RORA: variants seen among roughly 807,000 people sequenced by gnomAD.
RORA encodes the protein nuclear receptor ROR-alpha.
In RORA, 7 loss-of-function variants were observed where a neutral mutation model predicts 69.5. That is an observed-to-expected ratio of 0.10 (90% CI 0.06 to 0.19). RORA has a LOEUF of 0.19. Ranked by LOEUF, RORA falls within the 10% of genes least tolerant of loss-of-function variation. The pLI, the probability that RORA is intolerant of heterozygous loss-of-function variation, is 1.00. For synonymous variants in RORA, 261 were observed against 240.8 expected, an observed-to-expected ratio of 1.08 and a Z score of -0.78; for missense variants, 457 against 663.0, an observed-to-expected ratio of 0.69 and a Z score of 3.41.
chr15:60,710,858 C>T (rs2071133074), intron 1 of RORA, among the ~76,000 whole-genome samples: 1 of 151,868 alleles, frequency 6.6e-6, no homozygotes, highest in South Asian at 2.1e-4. Flanking sequence ...CCAGGCAAAC[C>T]TCCAATCCTC....
intron 1 of RORA, among the ~76,000 whole-genome samples, chr15:60,977,322 T>C (rs1381349968): frequency 1.3e-5 from 2 of 152,136 alleles, no homozygotes; most frequent in Non-Finnish European, 1.5e-5. Context: ...CACAAACACA[T>C]GTCAGTCGTC....
At chr15:60,852,398 C>T (rs1314306577) in intron 1 of RORA, among the ~76,000 whole-genome samples, 2 of 152,184 alleles carry the variant, frequency 1.3e-5, no homozygotes, top group Non-Finnish European at 2.9e-5. Context: ...GTAATGTTCA[C>T]AGTGCCTATA....
intron 1 of RORA, among the ~76,000 whole-genome samples, chr15:60,705,977 AG>A (rs2071057312): frequency 6.6e-6 from 1 of 152,166 alleles, no homozygotes; most frequent in South Asian, 2.1e-4. Context: ...GGTATTATGA[AG>A]GTTCATTGGC....
intron 1 of RORA, among the ~76,000 whole-genome samples, chr15:61,057,455 G>A (rs960660369): frequency 3.3e-5 from 5 of 152,168 alleles, no homozygotes; most frequent in Admixed American, 2.6e-4. Context: ...GAAGGCAAGC[G>A]CCTTCAGCAT....
At chr15:61,188,486 T>C (rs1292207016) in intron 1 of RORA, among the ~76,000 whole-genome samples, 5 of 152,144 alleles carry the variant, frequency 3.3e-5, no homozygotes, top group African/African-American at 9.7e-5. Context: ...GGGAATATTT[T>C]AAAAATTCTA....
chr15:60,930,082 G>A (rs1466670563), intron 1 of RORA, among the ~76,000 whole-genome samples: 2 of 152,134 alleles, frequency 1.3e-5, no homozygotes, highest in African/African-American at 2.4e-5. Context: ...GTGTGAGAGA[G>A]GAATGGAATT....
At chr15:61,223,314 C>CAAAAAAAAAAAAAAAAAAAAAAAAAAAAA (rs10685041) in intron 1 of RORA, among the ~76,000 whole-genome samples, 1 of 96,258 alleles carries the variant, frequency 1.0e-5, no homozygotes. Context: ...GACTCTGTCT[C>CAAAAAAAAAAAAAAAAAAAAAAAAAAAAA]AAAAAAAAAA....
chr15:60,919,213 A>G (rs1448935596), intron 1 of RORA, among the ~76,000 whole-genome samples: 2 of 152,092 alleles, frequency 1.3e-5, no homozygotes, highest in African/African-American at 4.8e-5. Flanking sequence ...TTCTCACTGG[A>G]TATCACTGGG....
At chr15:60,988,816 G>A (rs542217833) in intron 1 of RORA, among the ~76,000 whole-genome samples, 111 of 152,298 alleles carry the variant, frequency 7.3e-4, no homozygotes, top group African/African-American at 2.6e-3. Context: ...ACAGAGATTG[G>A]TATGTGCACC....
intron 1 of RORA, among the ~76,000 whole-genome samples, chr15:60,902,810 C>T (rs556564766): frequency 6.6e-6 from 1 of 151,976 alleles, no homozygotes; most frequent in Non-Finnish European, 1.5e-5. Context: ...TCAGCTCTCA[C>T]GAGCTGACTC....
intron 2 of RORA, among the ~76,000 whole-genome samples, chr15:60,597,637 T>C (rs1265271673): frequency 4.7e-5 from 4 of 85,504 alleles, no homozygotes; most frequent in Non-Finnish European, 9.0e-5. Flanking sequence ...TATATACATA[T>C]ATATATATAT....
intron 2 of RORA, among the ~76,000 whole-genome samples, chr15:60,639,166 G>A (rs987976990): frequency 3.4e-5 from 5 of 148,860 alleles, no homozygotes; most frequent in African/African-American, 9.9e-5. Flanking sequence ...CCTCCTCCCC[G>A]TTTCAATCAG....
At chr15:60,670,833 G>A (rs2070453725) in intron 2 of RORA, among the ~76,000 whole-genome samples, 1 of 152,000 alleles carries the variant, frequency 6.6e-6, no homozygotes, top group Non-Finnish European at 1.5e-5. Flanking sequence ...AATTGATAAA[G>A]AAATCAGTGT....
In RORA at chr15:60,912,302, G is replaced by T. The variant is rs371420805; in HGVS notation, c.167-233616C>A. ...CAGATGTGGGGGGGCTGCATCTGTC[G>T]TTCTAGCTACTTGGGAGGCTGAGAT... On this transcript the variant is annotated intron_variant, in intron 1 of 10. Coordinates refer to ENST00000335670, the MANE Select transcript of RORA (RefSeq NM_134261.3). 2.6e-5 allele frequency among the ~76,000 whole-genome samples: 4 copies of T among 152,120 alleles called. No individual in the cohort carries two copies. The South Asian group carries it at 8.3e-4, about 32-fold the overall frequency.
At chr15:60,749,757 G>T (rs2071697503) in intron 1 of RORA, among the ~76,000 whole-genome samples, 1 of 152,202 alleles carries the variant, frequency 6.6e-6, no homozygotes, top group South Asian at 2.1e-4. Context: ...GCTGGGTGCG[G>T]TGGCTCATAC....
At chr15:60,566,254 G>A (rs2067709698) in intron 2 of RORA, among the ~76,000 whole-genome samples, 1 of 152,088 alleles carries the variant, frequency 6.6e-6, no homozygotes, top group Non-Finnish European at 1.5e-5. Flanking sequence ...TTATTTTAAT[G>A]CTATTCCAAA....
chr15:61,070,833 G>A (rs1420486522), intron 1 of RORA, among the ~76,000 whole-genome samples: 1 of 152,072 alleles, frequency 6.6e-6, no homozygotes, highest in Non-Finnish European at 1.5e-5. Flanking sequence ...GCTTGACACA[G>A]GTTTTCATAA....
chr15:61,040,468 G>A lies in RORA; in HGVS notation c.166+188585C>T, dbSNP rs574738461. 7.9e-5 allele frequency among the ~76,000 whole-genome samples: 12 copies of A among 151,922 alleles called. No individual in the cohort carries two copies. In the East Asian group the frequency reaches 2.1e-3, roughly 27 times the overall value. On this transcript the variant is annotated intron_variant, in intron 1 of 10. Coordinates refer to ENST00000335670, the MANE Select transcript of RORA (RefSeq NM_134261.3). ...AACATTGATATAAAGCTTTTTGCCTGTTTCTACATGTAATACTGATCTTTT... is the reference window on the plus strand; with the variant it reads ...AACATTGATATAAAGCTTTTTGCCTATTTCTACATGTAATACTGATCTTTT...
chr15:60,722,586 G>A (rs1003890106), intron 1 of RORA, among the ~76,000 whole-genome samples: 1 of 152,188 alleles, frequency 6.6e-6, no homozygotes, highest in Non-Finnish European at 1.5e-5. Context: ...ACAATCAAGA[G>A]TCCCACCTAA....
Sources: gnomAD v4.1 joint callset for allele counts (sites outside exome capture counted in the v4.1 genomes callset) on GRCh38, gnomAD v4.1.1 for gene constraint, MANE v1.5 for transcripts, NCBI Gene and HGNC (gene_info 2026-07-23, HGNC 2026-07-21) for gene names.